Variants in TMEM236 observed in about 807,000 individuals in gnomAD.
TMEM236 encodes transmembrane protein 236, also known as family with sequence similarity 23, member A.
In TMEM236, 11 loss-of-function variants were observed where a neutral mutation model predicts 14.7. That is an observed-to-expected ratio of 0.75 (90% confidence interval 0.47 to 1.24). The LOEUF (loss-of-function observed/expected upper bound fraction) is 1.24, where lower values mean the gene tolerates loss of function less well. Ranked by LOEUF, TMEM236 falls within the 50% of genes most tolerant of loss-of-function variation. TMEM236 has a pLI of 0.00. For missense variants in TMEM236, 464 were observed against 427.3 expected (o/e 1.09, Z -0.76); for synonymous variants, 182 against 168.6 (o/e 1.08, Z -0.62).
In TMEM236 at chr10:17,796,587, G is replaced by A; in HGVS notation, c.*83G>A. On this transcript the variant is annotated 3_prime_UTR_variant, in exon 4 of 4. Transcript: ENST00000377495. ...CTTCTTTTTTTCTTGGGGCGTAGGT[G>A]TTTGCACTATAAAGGAAATGACTAG... is the stretch of plus-strand genomic sequence containing the variant. 8.2e-7 allele frequency: 1 copy of A among 1,225,428 alleles called. No individual in the cohort carries two copies. Among genetic ancestry groups the A allele is most frequent in the Middle Eastern group, 1.9e-4 (1 of 5,180 alleles). 75.9% of individuals were successfully genotyped at this position (1,225,428 alleles called of 1,614,324 possible). A position where few individuals can be genotyped will look rare whatever the true frequency, so the allele number is the denominator to read the frequency against.
intron 1 of TMEM236, among the ~76,000 whole-genome samples, chr10:17,754,432 C>T (rs1168683887): frequency 6.6e-6 from 1 of 152,116 alleles, no homozygotes; most frequent in East Asian, 1.9e-4. Context: ...TCAGGTGATC[C>T]TCCTACCTCG....
At chr10:17,771,078 T>C (rs1837564098) in intron 1 of TMEM236, among the ~76,000 whole-genome samples, 1 of 152,220 alleles carries the variant, frequency 6.6e-6, no homozygotes, top group Non-Finnish European at 1.5e-5. Context: ...TAGTTTGTGG[T>C]TTGCTAATTA....
chr10:17,758,824 CA>C (rs1466788451), intron 1 of TMEM236, among the ~76,000 whole-genome samples: 4 of 152,066 alleles, frequency 2.6e-5, no homozygotes, highest in Admixed American at 2.0e-4. Context: ...GAATGAACAC[CA>C]GAATGGTGAG....
chr10:17,759,073 T>G (rs1837320725), intron 1 of TMEM236, among the ~76,000 whole-genome samples: 1 of 152,204 alleles, frequency 6.6e-6, no homozygotes, highest in Non-Finnish European at 1.5e-5. Flanking sequence ...CTTCTCTCAT[T>G]AACACTTCCT....
intron 1 of TMEM236, among the ~76,000 whole-genome samples, chr10:17,759,341 C>T (rs1251335429): frequency 6.6e-6 from 1 of 152,156 alleles, no homozygotes; most frequent in Non-Finnish European, 1.5e-5. Flanking sequence ...TGTGGAGGTT[C>T]CCAGACTGTC....
At chr10:17,754,268 C>T (rs1837250807) in intron 1 of TMEM236, among the ~76,000 whole-genome samples, 1 of 152,184 alleles carries the variant, frequency 6.6e-6, no homozygotes. Flanking sequence ...TTACGTCATA[C>T]TTTGACCATT....
Position 17,784,007 on chromosome 10 carries a change from G to A in TMEM236, c.472+7837G>A, listed in dbSNP as rs1179969779. Among the ~76,000 whole-genome samples, 29 of 151,618 alleles carry A rather than the reference G, an allele frequency of 1.9e-4. 1 individual carries two copies. Among genetic ancestry groups the A allele is most frequent in the African/African-American group, 5.1e-4 (21 of 41,292 alleles). On this transcript the variant is annotated intron_variant, in intron 3 of 3. Transcript: ENST00000377495. ...ATAGTAAGGCTGTTAAGTTTTGCCT[G>A]TCATAGGTGTAGTGTATGTTTCAGG...
intron 3 of TMEM236, 103 bp from the exon 4 acceptor site, chr10:17,795,818 A>G: frequency 8.5e-7 from 1 of 1,178,028 alleles, no homozygotes; most frequent in Non-Finnish European, 1.2e-6. Flanking sequence ...ACAAAAGAAT[A>G]TGGAGAATTC....
At chr10:17,794,231 G>C (rs1414146547) in intron 3 of TMEM236, among the ~76,000 whole-genome samples, 1 of 151,896 alleles carries the variant, frequency 6.6e-6, no homozygotes, top group South Asian at 2.1e-4. Flanking sequence ...AGTTCCACGC[G>C]CTTCAACAAA....
chr10:17,792,043 A>G (rs1837933831), intron 3 of TMEM236, among the ~76,000 whole-genome samples: 1 of 151,976 alleles, frequency 6.6e-6, no homozygotes, highest in African/African-American at 2.4e-5. Flanking sequence ...GGATGTTTTT[A>G]GGTGCCTTTT....
chr10:17,798,855 C>T lies in TMEM236; in HGVS notation c.*2351C>T, dbSNP rs894841139. 2.7e-6 allele frequency: 1 copy of T among 366,398 alleles called. No homozygotes were observed. Among genetic ancestry groups the T allele is most frequent in the Non-Finnish European group, 5.4e-6 (1 of 184,776 alleles). The allele number at this position is 366,398 out of a possible 1,614,324, so 22.7% of individuals were successfully genotyped here. ...CCATAATAACTTGATAAATGCTAAG[C>T]ATTGGAACGGGTACCAAGTCTCCAA... On this transcript the variant is annotated 3_prime_UTR_variant, in exon 4 of 4. Transcript: ENST00000377495.
intron 3 of TMEM236, among the ~76,000 whole-genome samples, chr10:17,791,141 CTCA>C (rs1464787760): frequency 2.0e-5 from 3 of 152,030 alleles, no homozygotes; most frequent in African/African-American, 4.8e-5. Context: ...CCTCAGTTTA[CTCA>C]TCATTAAAAT....
intron 3 of TMEM236, among the ~76,000 whole-genome samples, chr10:17,793,080 A>G (rs911165652): frequency 6.6e-6 from 1 of 152,206 alleles, no homozygotes; most frequent in Non-Finnish European, 1.5e-5. Flanking sequence ...GAAAAGAGGA[A>G]GCAGAGTCCC....
intron 1 of TMEM236, among the ~76,000 whole-genome samples, chr10:17,766,152 T>C (rs1198002331): frequency 3.9e-5 from 6 of 152,246 alleles, no homozygotes; most frequent in African/African-American, 1.4e-4. Flanking sequence ...TAAAAATTCC[T>C]TTTTCAACTT....
At chr10:17,764,025 T>A (rs1470171494) in intron 1 of TMEM236, among the ~76,000 whole-genome samples, 1 of 152,184 alleles carries the variant, frequency 6.6e-6, no homozygotes, top group Non-Finnish European at 1.5e-5. Context: ...CTCATTGAGT[T>A]GTCGTAAAGA....
Position 17,752,482 on chromosome 10 carries a change from C to T in TMEM236, c.187C>T (p.Leu63=). 6.2e-7 allele frequency: 1 copy of T among 1,613,962 alleles called. No individual in the cohort carries two copies. Among genetic ancestry groups the T allele is most frequent in the Non-Finnish European group, 8.5e-7 (1 of 1,179,836 alleles). ...CSIAYVALVT[L]LIWVPVKVIL... ...TATTGCCTATGTTGCGTTAGTGACTCTACTGATCTGGGTTCCTGTAAAAGT... is the reference window on the plus strand; with the variant it reads ...TATTGCCTATGTTGCGTTAGTGACTTTACTGATCTGGGTTCCTGTAAAAGT... The change falls in exon 1 of 4, where the codon CTA becomes TTA. Residue 63 remains leucine, a synonymous_variant. Coordinates refer to ENST00000377495, the MANE Select transcript of TMEM236 (RefSeq NM_001098844.3).
chr10:17,798,423 C>T lies in TMEM236; in HGVS notation c.*1919C>T, dbSNP rs915094272. The stretch of plus-strand genomic sequence containing the variant: ...GCATGGTGATCTGCAACTATAGTCC[C>T]AGCTACTTAGGAGGCTGGGGCAGGA... On this transcript the variant is annotated 3_prime_UTR_variant, in exon 4 of 4. Transcript: ENST00000377495. The T allele has an allele frequency of 1.5e-4, 60 of 397,726 alleles. No homozygotes were observed. Among genetic ancestry groups the T allele is most frequent in the African/African-American group, 1.1e-3 (53 of 47,484 alleles). The allele number at this position is 397,726 out of a possible 1,614,324, so 24.6% of individuals were successfully genotyped here.
At position 17,752,407 on chromosome 10, in the gene TMEM236, A is replaced by G; in HGVS notation, c.112A>G (p.Thr38Ala). Reference protein sequence around the residue: ...TEQFATAYQGTRARSDNTHYW... With the variant: ...TEQFATAYQGARARSDNTHYW... Reference sequence around the variant, plus strand: ...ACAGTTTGCCACCGCCTACCAAGGAACAAGGGCTAGATCTGACAACACACA... The same window carrying G: ...ACAGTTTGCCACCGCCTACCAAGGAGCAAGGGCTAGATCTGACAACACACA... The change falls in exon 1 of 4, where the codon ACA (threonine) becomes GCA (alanine). Residue 38 changes from threonine (T) to alanine (A), a missense_variant. Transcript: ENST00000377495. 1.9e-6 allele frequency: 3 copies of G among 1,613,918 alleles called. No individual in the cohort carries two copies. Among genetic ancestry groups the G allele is most frequent in the Non-Finnish European group, 2.5e-6 (3 of 1,179,854 alleles).
chr10:17,762,677 GT>G (rs1226465648), intron 1 of TMEM236, among the ~76,000 whole-genome samples: 2 of 134,208 alleles, frequency 1.5e-5, no homozygotes, highest in Non-Finnish European at 3.1e-5. Flanking sequence ...ATATATTTAG[GT>G]TTTTGTCGAG....
Sources: gnomAD v4.1 joint callset for allele counts (sites outside exome capture counted in the v4.1 genomes callset) on GRCh38, gnomAD v4.1.1 for gene constraint, MANE v1.5 for transcripts, NCBI Gene and HGNC (gene_info 2026-07-23, HGNC 2026-07-21) for gene names.